Variants in EDIL3 observed in about 807,000 individuals in gnomAD.
EDIL3 encodes EGF-like repeat and discoidin I-like domain-containing protein 3.
EDIL3 carries 37 observed loss-of-function variants against 67.4 expected under a neutral mutation model. The ratio of observed to expected loss-of-function variants is 0.55; its 90% CI spans 0.42 to 0.72. EDIL3 has a LOEUF of 0.72. Ranked by LOEUF, EDIL3 falls within the 30% of genes least tolerant of loss-of-function variation. The pLI is 0.00. For synonymous variants in EDIL3, 195 were observed against 196.3 expected, an observed-to-expected ratio of 0.99 and a Z score of 0.05; for missense variants, 527 against 586.3, an observed-to-expected ratio of 0.90 and a Z score of 1.04.
intron 1 of EDIL3, among the ~76,000 whole-genome samples, chr5:84,355,672 G>T (rs1462547041): frequency 1.3e-5 from 2 of 152,100 alleles, no homozygotes; most frequent in Non-Finnish European, 2.9e-5. Flanking sequence ...CGTCCCAGAG[G>T]GCCACCCACC....
intron 6 of EDIL3, among the ~76,000 whole-genome samples, chr5:84,072,936 C>A (rs1045031482): frequency 6.6e-6 from 1 of 151,916 alleles, no homozygotes; most frequent in African/African-American, 2.4e-5. Context: ...ATTGCATACT[C>A]CCCAAAATTT....
chr5:84,114,179 G>A (rs999875339), intron 5 of EDIL3, among the ~76,000 whole-genome samples: 1 of 136,608 alleles, frequency 7.3e-6, no homozygotes, highest in African/African-American at 2.8e-5. Flanking sequence ...TTGATGAGTC[G>A]TGTCAGCTAA....
chr5:84,061,348 T>C (rs1049832702), intron 8 of EDIL3, among the ~76,000 whole-genome samples: 6 of 152,172 alleles, frequency 3.9e-5, no homozygotes, highest in Non-Finnish European at 8.8e-5. Flanking sequence ...TGTGTATACA[T>C]AGACACAAAA....
rs70975542 is a variant in EDIL3, at chr5:84,137,184, T to TACACAC, written c.469+51_469+56dup. Reference sequence around the variant, plus strand: ...ATACATATATGTGTGTGTGTATACATACACACACACACACACACACACACA... The same window carrying TACACAC: ...ATACATATATGTGTGTGTGTATACATACACACACACACACACACACACACACACACA... On this transcript the variant is annotated intron_variant, in intron 5 of 10. Transcript: ENST00000296591. 2,682 of 901,672 alleles carry TACACAC rather than the reference T, an allele frequency of 3.0e-3. 11 individuals are homozygous for TACACAC. The highest frequency in any genetic ancestry group is 0.027 in the African/African-American group (1,559 of 57,878). 55.9% of individuals were successfully genotyped at this position (901,672 alleles called of 1,614,324 possible). A position where few individuals can be genotyped will look rare whatever the true frequency, so the allele number is the denominator to read the frequency against.
At chr5:84,108,920 T>C (rs1216859611) in intron 5 of EDIL3, among the ~76,000 whole-genome samples, 1 of 152,222 alleles carries the variant, frequency 6.6e-6, no homozygotes, top group Non-Finnish European at 1.5e-5. Context: ...TTTAGTTGTA[T>C]ACCTCTAAAG....
At chr5:83,977,771 A>AT (rs1744900521) in intron 9 of EDIL3, among the ~76,000 whole-genome samples, 1 of 151,688 alleles carries the variant, frequency 6.6e-6, no homozygotes, top group African/African-American at 2.4e-5. Flanking sequence ...CATAGTGAAT[A>AT]TTTTTTCTTT....
In EDIL3 at chr5:84,352,955, T is replaced by C. The variant is rs141813754; in HGVS notation, c.67+31353A>G. On this transcript the variant is annotated intron_variant, in intron 1 of 10. Transcript: ENST00000296591. ...GATGGGTATACAAACAGCATAGGTATTGGGGCAGGAACAGCAGGTTTTTGT... is the reference window on the plus strand; with the variant it reads ...GATGGGTATACAAACAGCATAGGTACTGGGGCAGGAACAGCAGGTTTTTGT... Among the ~76,000 whole-genome samples the C allele has an allele frequency of 7.5e-3, 1,140 of 152,220 alleles. 9 individuals are homozygous for C. Among genetic ancestry groups the C allele is most frequent in the African/African-American group, 0.025 (1,056 of 41,544 alleles).
At chr5:84,236,980 C>T (rs1744694747) in intron 2 of EDIL3, among the ~76,000 whole-genome samples, 2 of 151,888 alleles carry the variant, frequency 1.3e-5, no homozygotes, top group Admixed American at 1.3e-4. Context: ...AAGAGAGAAT[C>T]ATTAATTCTA....
chr5:84,223,243 A>T (rs983634697), intron 3 of EDIL3, among the ~76,000 whole-genome samples: 3 of 151,640 alleles, frequency 2.0e-5, no homozygotes, highest in Admixed American at 6.6e-5. Context: ...AAGTTCCTCA[A>T]AAAAAATTAA....
chr5:84,295,188 A>T (rs1036500309), intron 1 of EDIL3, among the ~76,000 whole-genome samples: 1 of 152,104 alleles, frequency 6.6e-6, no homozygotes, highest in Admixed American at 6.6e-5. Flanking sequence ...ATTAAAGAAA[A>T]ATATTTTTGA....
intron 5 of EDIL3, among the ~76,000 whole-genome samples, chr5:84,121,682 C>T (rs1473565927): frequency 6.6e-6 from 1 of 151,758 alleles, no homozygotes; most frequent in Non-Finnish European, 1.5e-5. Flanking sequence ...AAACCTTAGA[C>T]TGAATTTTAC....
At chr5:84,099,894 C>A (rs958198407) in intron 6 of EDIL3, among the ~76,000 whole-genome samples, 4 of 150,600 alleles carry the variant, frequency 2.7e-5, no homozygotes, top group African/African-American at 7.3e-5. Flanking sequence ...GAAAAAAAAA[C>A]CCATCAAAAA....
rs564410238 is a variant in EDIL3, at chr5:83,995,352, C to T, written c.1138-31992G>A. 3.9e-5 allele frequency among the ~76,000 whole-genome samples: 6 copies of T among 152,156 alleles called. No individual in the cohort carries two copies. In the South Asian group the frequency reaches 1.2e-3, roughly 32 times the overall value. On this transcript the variant is annotated intron_variant, in intron 9 of 10. Transcript: ENST00000296591. Reference sequence around the variant, plus strand: ...TGGAGGAGAAGGCTGAAGAACTAAGCGAAGGCATTTATTCCACGAGGGTCA... The same window carrying T: ...TGGAGGAGAAGGCTGAAGAACTAAGTGAAGGCATTTATTCCACGAGGGTCA...
chr5:84,287,924 C>T (rs1270514356), intron 1 of EDIL3, among the ~76,000 whole-genome samples: 1 of 152,064 alleles, frequency 6.6e-6, no homozygotes, highest in Non-Finnish European at 1.5e-5. Context: ...TATCTATACT[C>T]ATTCCCTTTG....
intron 4 of EDIL3, among the ~76,000 whole-genome samples, chr5:84,141,940 T>TAC (rs1256322442): frequency 3.9e-4 from 34 of 87,708 alleles, no homozygotes; most frequent in African/African-American, 1.5e-3. Flanking sequence ...TATATATATA[T>TAC]ATATATACAT....
intron 1 of EDIL3, among the ~76,000 whole-genome samples, chr5:84,279,733 C>T (rs1227809632): frequency 6.6e-6 from 1 of 152,172 alleles, no homozygotes; most frequent in Non-Finnish European, 1.5e-5. Flanking sequence ...AATCATAGGG[C>T]AGAAGCTTCG....
rs142499407 is a variant in EDIL3, at chr5:84,125,083, T to C, written c.469+12158A>G. Among the ~76,000 whole-genome samples the C allele has an allele frequency of 4.3e-3, 659 of 152,028 alleles. 6 individuals are homozygous for C. Among genetic ancestry groups the C allele is most frequent in the African/African-American group, 0.015 (604 of 41,524 alleles). On this transcript the variant is annotated intron_variant, in intron 5 of 10. Coordinates refer to ENST00000296591, the MANE Select transcript of EDIL3 (RefSeq NM_005711.5). ...GAGAAGCAAAAGTTCTAAAAGACTA[T>C]AGGGTCTACAAATAGGAATAATGAG...
At chr5:84,371,611 A>G (rs974291200) in intron 1 of EDIL3, among the ~76,000 whole-genome samples, 15 of 151,262 alleles carry the variant, frequency 9.9e-5, no homozygotes, top group African/African-American at 3.6e-4. Context: ...GTACATGATA[A>G]AAAATAACAA....
chr5:84,016,944 G>A (rs1190906550), intron 9 of EDIL3, among the ~76,000 whole-genome samples: 1 of 152,182 alleles, frequency 6.6e-6, no homozygotes, highest in Non-Finnish European at 1.5e-5. Context: ...CTGGAAGCCT[G>A]AGACTAGACA....
Sources: allele counts gnomAD v4.1 joint callset (sites outside exome capture counted in the v4.1 genomes callset), GRCh38; gene constraint gnomAD v4.1.1; transcripts MANE v1.5; gene names NCBI Gene and HGNC (gene_info 2026-07-23, HGNC 2026-07-21).